The following ANXA8 variants were observed in gnomAD, a reference collection of about 807,000 sequenced individuals.
The protein encoded by ANXA8 is VAC-beta.
Under a neutral mutation model 26.8 loss-of-function variants are expected in ANXA8, and 9 were observed. That is an observed-to-expected ratio of 0.34 (90% CI 0.20 to 0.59). The LOEUF is 0.59. Among genes scored for constraint, ANXA8 ranks in the 20% least tolerant of loss-of-function variants. The probability of loss-of-function intolerance (pLI) is 0.84; values close to 1 mark genes in which losing one functional copy is unlikely to be tolerated. For synonymous variants in ANXA8, 39 were observed against 94.8 expected (o/e 0.41, Z 3.42); for missense variants, 83 against 238.5 (o/e 0.35, Z 4.29).
At chr10:47,590,517 G>T in the ANXA8 span, among the ~76,000 whole-genome samples, 1 of 146,472 alleles carries the variant, frequency 6.8e-6, no homozygotes, top group Non-Finnish European at 1.5e-5. Context: ...TAGGAGCACA[G>T]GTTTTGGTTT....
the ANXA8 span, among the ~76,000 whole-genome samples, chr10:47,636,745 A>C: frequency 6.6e-6 from 1 of 152,274 alleles, no homozygotes; most frequent in East Asian, 1.9e-4. Context: ...AGTTCATATA[A>C]AGGGTTAGCT....
chr10:47,547,510 T>G, the ANXA8 span, among the ~76,000 whole-genome samples: 1 of 96,752 alleles, frequency 1.0e-5, no homozygotes. Flanking sequence ...AAAATGCGCA[T>G]TGTGTGTACC....
chr10:47,767,375 T>A, the ANXA8 span, among the ~76,000 whole-genome samples: 1 of 152,162 alleles, frequency 6.6e-6, no homozygotes, highest in Admixed American at 6.5e-5. Context: ...ACATGCTGGC[T>A]CCAAATTGTG....
the ANXA8 span, among the ~76,000 whole-genome samples, chr10:47,694,607 G>A: frequency 2.0e-5 from 3 of 151,494 alleles, no homozygotes; most frequent in African/African-American, 7.3e-5. Context: ...TTTTAGTAGA[G>A]GCAGGGTTTC....
the ANXA8 span, among the ~76,000 whole-genome samples, chr10:47,975,246 T>C: frequency 2.7e-5 from 4 of 149,662 alleles, no homozygotes. Flanking sequence ...AGAAGGATTC[T>C]GAATTCTTAA....
the ANXA8 span, among the ~76,000 whole-genome samples, chr10:47,575,198 C>CAA: frequency 2.7e-3 from 285 of 107,270 alleles, 1 homozygote; most frequent in African/African-American, 0.011. Flanking sequence ...GAGTGAAACT[C>CAA]AAAAAAAAAA....
chr10:47,610,285 C>T, the ANXA8 span, among the ~76,000 whole-genome samples: 9 of 145,108 alleles, frequency 6.2e-5, 1 homozygote, highest in African/African-American at 1.6e-4. Context: ...TTTACTAGAA[C>T]GTGAAATCAA....
the ANXA8 span, among the ~76,000 whole-genome samples, chr10:47,715,356 G>A: frequency 8.6e-6 from 1 of 116,176 alleles, no homozygotes; most frequent in South Asian, 3.5e-4. Context: ...CGAGGCAGGA[G>A]AATCACTTGA....
the ANXA8 span, among the ~76,000 whole-genome samples, chr10:47,509,937 C>A: frequency 3.6e-4 from 51 of 142,056 alleles, 6 homozygotes; most frequent in South Asian, 0.01. Flanking sequence ...TGTCTAAAGG[C>A]ATAAAGACAT....
chr10:47,585,591 G>C, the ANXA8 span, among the ~76,000 whole-genome samples: 1 of 146,562 alleles, frequency 6.8e-6, no homozygotes, highest in African/African-American at 2.7e-5. Context: ...GGGGCTGGGG[G>C]TGGGAGAAGG....
At chr10:47,968,273 G>A in the ANXA8 span, among the ~76,000 whole-genome samples, 2 of 151,120 alleles carry the variant, frequency 1.3e-5, no homozygotes, top group African/African-American at 4.8e-5. Flanking sequence ...TACTGCTGCT[G>A]CTGGAACTGC....
At chr10:47,522,409 A>AAC in the ANXA8 span, among the ~76,000 whole-genome samples, 2 of 149,416 alleles carry the variant, frequency 1.3e-5, no homozygotes, top group Admixed American at 6.6e-5. Context: ...AGAAACCCCA[A>AAC]ACACACACAC....
chr10:47,945,453 C>G, the ANXA8 span, among the ~76,000 whole-genome samples: 1 of 150,822 alleles, frequency 6.6e-6, no homozygotes, highest in Non-Finnish European at 1.5e-5. Context: ...CTTTGCCCAC[C>G]CGCTGCTGCC....
At chr10:47,695,442 T>G in the ANXA8 span, among the ~76,000 whole-genome samples, 1 of 151,588 alleles carries the variant, frequency 6.6e-6, no homozygotes, top group Admixed American at 6.6e-5. Flanking sequence ...AGATTTTAGT[T>G]TACTTGATTA....
At chr10:47,942,107 A>G in the ANXA8 span, among the ~76,000 whole-genome samples, 196 of 147,176 alleles carry the variant, frequency 1.3e-3, 35 homozygotes, top group East Asian at 0.039. Flanking sequence ...CAGAAGCAAC[A>G]CCCCTGGAGG....
At chr10:47,702,685 G>C in the ANXA8 span, among the ~76,000 whole-genome samples, 2 of 151,772 alleles carry the variant, frequency 1.3e-5, no homozygotes, top group Non-Finnish European at 2.9e-5. Context: ...CCAGGCTAGA[G>C]TACAGTGGTG....
the ANXA8 span, among the ~76,000 whole-genome samples, chr10:47,769,727 G>T: frequency 6.6e-6 from 1 of 152,302 alleles, no homozygotes; most frequent in African/African-American, 2.4e-5. Context: ...GCTGTTCTTT[G>T]GTTACCTTCT....
At chr10:47,616,177 G>A in the ANXA8 span, among the ~76,000 whole-genome samples, 1 of 70,676 alleles carries the variant, frequency 1.4e-5, no homozygotes, top group Non-Finnish European at 3.4e-5. Flanking sequence ...GGGTCCCTTC[G>A]GATTGTAACG....
At chr10:47,698,996 A>T in the ANXA8 span, among the ~76,000 whole-genome samples, 1 of 151,788 alleles carries the variant, frequency 6.6e-6, no homozygotes, top group South Asian at 2.1e-4. Context: ...AAGGATGTCC[A>T]CTATCTCTGC....
Sources: allele counts gnomAD v4.1 joint callset (sites outside exome capture counted in the v4.1 genomes callset), GRCh38; gene constraint gnomAD v4.1.1; transcripts MANE v1.5; gene names NCBI Gene and HGNC (gene_info 2026-07-23, HGNC 2026-07-21).